Variants in SPECC1L observed in about 807,000 individuals in gnomAD.
SPECC1L encodes the protein cytospin-A.
Under a neutral mutation model 116.8 loss-of-function variants are expected in SPECC1L, and 40 were observed. That is an observed-to-expected ratio of 0.34 (90% CI 0.27 to 0.45). The LOEUF (loss-of-function observed/expected upper bound fraction) is 0.45, where lower values mean the gene tolerates loss of function less well. Among genes scored for constraint, SPECC1L ranks in the 20% least tolerant of loss-of-function variants. The pLI, the probability that SPECC1L is intolerant of heterozygous loss-of-function variation, is 1.00. For missense variants in SPECC1L, 1,110 were observed against 1,373.6 expected (o/e 0.81, Z 3.03); for synonymous variants, 504 against 500.6 (o/e 1.01, Z -0.09).
intron 14 of SPECC1L, among the ~76,000 whole-genome samples, chr22:24,373,048 C>G (rs1787638372): frequency 6.6e-6 from 1 of 152,074 alleles, no homozygotes; most frequent in African/African-American, 2.4e-5. Context: ...GAATAAAATA[C>G]CTAGGAATGC....
intron 14 of SPECC1L, among the ~76,000 whole-genome samples, chr22:24,370,075 C>G (rs1339715958): frequency 1.3e-5 from 2 of 152,248 alleles, no homozygotes. Flanking sequence ...GATCTCTTCA[C>G]ATTAGACTTC....
At chr22:24,325,357 A>C (rs2040797311) in intron 6 of SPECC1L, among the ~76,000 whole-genome samples, 1 of 152,206 alleles carries the variant, frequency 6.6e-6, no homozygotes, top group Non-Finnish European at 1.5e-5. Context: ...TCTTCACAAC[A>C]AGAACTTAAG....
intron 14 of SPECC1L, among the ~76,000 whole-genome samples, chr22:24,403,232 C>G (rs1025691264): frequency 2.0e-5 from 3 of 152,096 alleles, no homozygotes; most frequent in African/African-American, 7.2e-5. Context: ...TTTCTTCTGG[C>G]ACATGTCATC....
At chr22:24,343,814 AG>A (rs1262113038) in intron 10 of SPECC1L, among the ~76,000 whole-genome samples, 1 of 152,132 alleles carries the variant, frequency 6.6e-6, no homozygotes, top group Non-Finnish European at 1.5e-5. Flanking sequence ...AAAAAAAAAA[AG>A]TAAAAGTAAA....
At position 24,334,248 on chromosome 22, in the gene SPECC1L, G is replaced by A. The variant is rs562071508; in HGVS notation, c.2397-162G>A. Reference sequence around the variant, plus strand: ...AAGATGGTCTCGATCTCCTGACCTCGTGATCCTCCTGCCTCGGCCTCCCAA... The same window carrying A: ...AAGATGGTCTCGATCTCCTGACCTCATGATCCTCCTGCCTCGGCCTCCCAA... On this transcript the variant is annotated intron_variant, in intron 8 of 16. Coordinates refer to ENST00000314328, the MANE Select transcript of SPECC1L (RefSeq NM_015330.6). Among the ~76,000 whole-genome samples, 28 of 151,980 alleles carry A rather than the reference G, an allele frequency of 1.8e-4. No homozygotes were observed. In the South Asian group the frequency reaches 4.6e-3, roughly 25 times the overall value.
At chr22:24,330,141 C>T (rs1240788230) in intron 7 of SPECC1L, 115 bp from the exon 8 acceptor site, 7 of 1,023,370 alleles carry the variant, frequency 6.8e-6, no homozygotes, top group Non-Finnish European at 8.8e-6. Flanking sequence ...AAAAATTAAT[C>T]ATCATTTGGA....
Position 24,336,250 on chromosome 22 carries a change from C to CAT in SPECC1L, c.2560+1690_2560+1691dup, listed in dbSNP as rs139728043. 8.6e-3 allele frequency among the ~76,000 whole-genome samples: 1,286 copies of CAT among 149,788 alleles called. 12 individuals are homozygous for CAT. The highest frequency in any genetic ancestry group is 1.0e-2 in the Admixed American group (150 of 15,004). On this transcript the variant is annotated intron_variant, in intron 9 of 16. Transcript: ENST00000314328. ...CTTTATAGTAAATTGCAGGCCAGTA[C>CAT]ATATATATATATATGTATATATCTA...
chr22:24,407,354 G>A (rs1022859301), intron 14 of SPECC1L, among the ~76,000 whole-genome samples: 3 of 152,220 alleles, frequency 2.0e-5, no homozygotes, highest in Admixed American at 1.3e-4. Context: ...CGGGGGTGCT[G>A]GAGCAGCAGC....
chr22:24,361,796 C>T (rs1170066550), intron 11 of SPECC1L, among the ~76,000 whole-genome samples: 1 of 151,140 alleles, frequency 6.6e-6, no homozygotes, highest in Non-Finnish European at 1.5e-5. Context: ...ATCCTGTTCC[C>T]CCCTCTCCTG....
intron 9 of SPECC1L, among the ~76,000 whole-genome samples, chr22:24,336,889 C>T (rs1252545413): frequency 2.6e-5 from 4 of 152,138 alleles, no homozygotes; most frequent in African/African-American, 7.2e-5. Context: ...GATACACATT[C>T]AGTACAGCAT....
intron 10 of SPECC1L, among the ~76,000 whole-genome samples, chr22:24,346,421 T>C (rs2041297051): frequency 6.6e-6 from 1 of 152,230 alleles, no homozygotes. Flanking sequence ...TGTTGTAGCA[T>C]TAGCAAGCGG....
rs555352405 is a variant in SPECC1L at position 24,373,644 on chromosome 22, A to C, written c.3087+4324A>C. Among the ~76,000 whole-genome samples, 331 of 152,340 alleles carry C rather than the reference A, an allele frequency of 2.2e-3. 1 individual carries two copies. The highest frequency in any genetic ancestry group is 7.2e-3 in the African/African-American group (298 of 41,566). ...TTAATTCAAGATGGATTAAAGACTT[A>C]AATGTTAGACCTAAAACCATAAAAA... On this transcript the variant is annotated intron_variant, in intron 14 of 16. Transcript: ENST00000314328.
chr22:24,290,938 T>G (rs1407057109), intron 2 of SPECC1L, among the ~76,000 whole-genome samples: 1 of 152,184 alleles, frequency 6.6e-6, no homozygotes, highest in Non-Finnish European at 1.5e-5. Context: ...ACATGTTTTA[T>G]CAAATCGATT....
intron 11 of SPECC1L, among the ~76,000 whole-genome samples, chr22:24,360,918 C>A (rs1601606025): frequency 6.6e-6 from 1 of 152,254 alleles, no homozygotes; most frequent in East Asian, 1.9e-4. Context: ...CAACTGCCAA[C>A]AGAGTTCAGA....
At chr22:24,274,157 A>G (rs2048786571) in intron 1 of SPECC1L, among the ~76,000 whole-genome samples, 1 of 152,244 alleles carries the variant, frequency 6.6e-6, no homozygotes, top group African/African-American at 2.4e-5. Flanking sequence ...GATGCGAGGT[A>G]AAGAACCCCC....
At chr22:24,351,006 G>A (rs911538839) in intron 11 of SPECC1L, among the ~76,000 whole-genome samples, 2 of 152,164 alleles carry the variant, frequency 1.3e-5, no homozygotes, top group African/African-American at 4.8e-5. Context: ...GAGGAGAGTG[G>A]AGTGCTGCAC....
rs2040744630 is a variant in SPECC1L, at chr22:24,322,684, A to G, written c.1704A>G (p.Thr568=). The change falls in exon 5 of 17, where the codon ACA becomes ACG. Residue 568 remains threonine (T), a synonymous_variant. Transcript: ENST00000314328. ...CCACGTTAGAGGAATACAAAGCCAC[A>G]GTGGCCAGTGACCAGATAGAGATGA... ...LAATLEEYKA[T]VASDQIEMNR... 3.7e-6 allele frequency: 6 copies of G among 1,608,924 alleles called. No individual in the cohort carries two copies. Among genetic ancestry groups the G allele is most frequent in the Non-Finnish European group, 5.1e-6 (6 of 1,177,922 alleles).
intron 14 of SPECC1L, among the ~76,000 whole-genome samples, chr22:24,408,771 G>GCTTT (rs1369647799): frequency 2.0e-5 from 3 of 152,266 alleles, no homozygotes; most frequent in African/African-American, 7.2e-5. Flanking sequence ...GAAGGCTCAT[G>GCTTT]CTTTGCACAG....
chr22:24,305,911 CT>C (rs1042607715), intron 3 of SPECC1L, among the ~76,000 whole-genome samples: 5 of 151,830 alleles, frequency 3.3e-5, no homozygotes, highest in Non-Finnish European at 5.9e-5. Flanking sequence ...GATTGAATAC[CT>C]TTTCATACAA....
Sources: gnomAD v4.1 joint callset for allele counts (sites outside exome capture counted in the v4.1 genomes callset) on GRCh38, gnomAD v4.1.1 for gene constraint, MANE v1.5 for transcripts, NCBI Gene and HGNC (gene_info 2026-07-23, HGNC 2026-07-21) for gene names.